The following CMTM8 variants were observed in gnomAD, a reference collection of about 807,000 sequenced individuals.
CMTM8 encodes the protein CKLF like MARVEL transmembrane domain containing 8.
In CMTM8, 12 loss-of-function variants were observed where a neutral mutation model predicts 18.6. The ratio of observed to expected loss-of-function variants is 0.65; its 90% CI spans 0.41 to 1.05. The LOEUF (loss-of-function observed/expected upper bound fraction) is 1.05, where lower values mean the gene tolerates loss of function less well. Among genes scored for constraint, CMTM8 ranks in the 50% least tolerant of loss-of-function variants. The pLI, the probability that CMTM8 is intolerant of heterozygous loss-of-function variation, is 0.00. For missense variants in CMTM8, 217 were observed against 227.2 expected, an observed-to-expected ratio of 0.95 and a Z score of 0.29; for synonymous variants, 87 against 90.6, an observed-to-expected ratio of 0.96 and a Z score of 0.23.
At chr3:32,326,810 ACAGT>A (rs1166212038) in intron 1 of CMTM8, among the ~76,000 whole-genome samples, 8 of 152,092 alleles carry the variant, frequency 5.3e-5, no homozygotes, top group African/African-American at 1.9e-4. Context: ...GCCACCAGGC[ACAGT>A]CAGTCTGGTC....
chr3:32,347,896 C>T (rs966730549), intron 1 of CMTM8, among the ~76,000 whole-genome samples: 2 of 152,106 alleles, frequency 1.3e-5, no homozygotes, highest in African/African-American at 4.8e-5. Context: ...GGCTGTCTTT[C>T]GAGTCACTCT....
chr3:32,276,274 G>A (rs866097474), intron 1 of CMTM8, among the ~76,000 whole-genome samples: 8 of 152,178 alleles, frequency 5.3e-5, no homozygotes, highest in Non-Finnish European at 1.2e-4. Flanking sequence ...TCTTAATTCA[G>A]TGAGGGGGTG....
chr3:32,264,359 C>T (rs927008141), intron 1 of CMTM8, among the ~76,000 whole-genome samples: 13 of 152,112 alleles, frequency 8.5e-5, no homozygotes, highest in Non-Finnish European at 1.5e-4. Flanking sequence ...AAGTAAGCTT[C>T]GTAAGTGAAG....
rs564188075 is a variant in CMTM8, at chr3:32,365,875, T to C, written c.322-1997T>C. Reference sequence around the variant, plus strand: ...CTCTGATCCAGGGCCTATTTCTCTATAGCAACAAGACCTCATGTTTCTATG... The same window carrying C: ...CTCTGATCCAGGGCCTATTTCTCTACAGCAACAAGACCTCATGTTTCTATG... On this transcript the variant is annotated intron_variant, in intron 2 of 3. Transcript: ENST00000307526. Among the ~76,000 whole-genome samples the C allele has an allele frequency of 9.2e-5, 14 of 152,362 alleles. No individual in the cohort carries two copies. In the South Asian group the frequency reaches 2.7e-3, roughly 29 times the overall value.
At chr3:32,261,947 C>G (rs1702265249) in intron 1 of CMTM8, among the ~76,000 whole-genome samples, 1 of 152,128 alleles carries the variant, frequency 6.6e-6, no homozygotes, top group African/African-American at 2.4e-5. Context: ...GTTGAAGCCG[C>G]AAGGGATTTA....
chr3:32,367,774 C>G, intron 2 of CMTM8, 98 bp from the exon 3 acceptor site: 1 of 764,712 alleles, frequency 1.3e-6, no homozygotes, highest in Non-Finnish European at 2.2e-6. Flanking sequence ...CACTTGGGCC[C>G]CTCCCCACAC....
chr3:32,349,307 G>A (rs1274716291), intron 1 of CMTM8, among the ~76,000 whole-genome samples: 1 of 152,000 alleles, frequency 6.6e-6, no homozygotes, highest in African/African-American at 2.4e-5. Context: ...TGTGTGTTGG[G>A]GAATCCCCAA....
chr3:32,368,061 A>G lies in CMTM8; in HGVS notation c.438+73A>G. The G allele has an allele frequency of 5.9e-6, 6 of 1,019,258 alleles. No individual in the cohort carries two copies. The South Asian group carries it at 8.0e-5, about 14-fold the overall frequency. 63.1% of individuals were successfully genotyped at this position (1,019,258 alleles called of 1,614,324 possible). On this transcript the variant is annotated intron_variant, in intron 3 of 3. Coordinates refer to ENST00000307526, the MANE Select transcript of CMTM8 (RefSeq NM_178868.5). ...GCTTGCTTGGGATTGGGGAAGACAG[A>G]GTCATCTGCAGGAAAAAGCAGCGCT...
In CMTM8 at chr3:32,290,937, G is replaced by A. The variant is rs77204102; in HGVS notation, c.147+51818G>A. On this transcript the variant is annotated intron_variant, in intron 1 of 3. Coordinates refer to ENST00000307526, the MANE Select transcript of CMTM8 (RefSeq NM_178868.5). Reference sequence around the variant, plus strand: ...TCATTTTTGTATTTTTTCAAGACACGGGGTTTTGCCATGTTGCCCAGGCTG... The same window carrying A: ...TCATTTTTGTATTTTTTCAAGACACAGGGTTTTGCCATGTTGCCCAGGCTG... 8.5e-3 allele frequency among the ~76,000 whole-genome samples: 1,292 copies of A among 152,220 alleles called. 7 individuals are homozygous for A. The highest frequency in any genetic ancestry group is 0.014 in the Middle Eastern group (4 of 294).
At chr3:32,367,839 C>A in intron 2 of CMTM8, 33 bp from the exon 3 acceptor site, 2 of 1,465,628 alleles carry the variant, frequency 1.4e-6, no homozygotes, top group Non-Finnish European at 1.9e-6. Flanking sequence ...ACCCTCCCCT[C>A]TCCCTAAACA....
At chr3:32,245,142 T>C (rs1269827136) in intron 1 of CMTM8, among the ~76,000 whole-genome samples, 1 of 152,162 alleles carries the variant, frequency 6.6e-6, no homozygotes, top group Non-Finnish European at 1.5e-5. Flanking sequence ...GTGTGTCTGT[T>C]TCAAACCTTT....
chr3:32,368,455 TA>T (rs1481113835), intron 3 of CMTM8, among the ~76,000 whole-genome samples: 15 of 135,330 alleles, frequency 1.1e-4, no homozygotes, highest in African/African-American at 3.6e-4. Context: ...AAGAAACTTC[TA>T]TTTTTTTTTT....
intron 1 of CMTM8, among the ~76,000 whole-genome samples, chr3:32,327,620 T>C (rs778326020): frequency 9.8e-5 from 15 of 152,358 alleles, no homozygotes; most frequent in Admixed American, 3.9e-4. Flanking sequence ...AGAGGGTAAC[T>C]GGAGAGTTCC....
intron 1 of CMTM8, among the ~76,000 whole-genome samples, chr3:32,332,065 A>G (rs1420696914): frequency 6.6e-6 from 1 of 151,896 alleles, no homozygotes; most frequent in African/African-American, 2.4e-5. Flanking sequence ...CAAGTAAGTC[A>G]TGAATAAAAA....
chr3:32,248,248 C>T (rs955907567), intron 1 of CMTM8, among the ~76,000 whole-genome samples: 5 of 152,088 alleles, frequency 3.3e-5, no homozygotes, highest in African/African-American at 7.2e-5. Context: ...GATTCTGTTG[C>T]GTCTATAGAT....
At chr3:32,310,015 G>T (rs1029557385) in intron 1 of CMTM8, among the ~76,000 whole-genome samples, 3 of 152,180 alleles carry the variant, frequency 2.0e-5, no homozygotes, top group African/African-American at 7.2e-5. Flanking sequence ...TATTTTCACA[G>T]CTCAGTTTTT....
intron 1 of CMTM8, among the ~76,000 whole-genome samples, chr3:32,242,502 AT>A (rs1048957042): frequency 3.3e-5 from 5 of 151,432 alleles, no homozygotes; most frequent in African/African-American, 1.2e-4. Context: ...ATTTTTTTGT[AT>A]TTTTTGTAGA....
At chr3:32,319,057 C>CATACATAT (rs1206855049) in intron 1 of CMTM8, among the ~76,000 whole-genome samples, 9 of 45,884 alleles carry the variant, frequency 2.0e-4, no homozygotes, top group African/African-American at 8.8e-4. Flanking sequence ...TGTGTATATA[C>CATACATAT]ATATATATAT....
intron 1 of CMTM8, among the ~76,000 whole-genome samples, chr3:32,281,446 A>G (rs1441780844): frequency 6.6e-6 from 1 of 152,216 alleles, no homozygotes; most frequent in East Asian, 1.9e-4. Context: ...AATAAAGTAC[A>G]TATATACATG....
Sources: gnomAD v4.1 joint callset for allele counts (sites outside exome capture counted in the v4.1 genomes callset) on GRCh38, gnomAD v4.1.1 for gene constraint, MANE v1.5 for transcripts, NCBI Gene and HGNC (gene_info 2026-07-23, HGNC 2026-07-21) for gene names.